Variants in HNRNPLL observed in about 807,000 individuals in gnomAD.
The protein encoded by HNRNPLL is heterogeneous nuclear ribonucleoprotein L like.
Under a neutral mutation model 67.1 loss-of-function variants are expected in HNRNPLL, and 25 were observed. The observed-to-expected ratio is 0.37, with a 90% confidence interval of 0.27 to 0.52. HNRNPLL has a LOEUF of 0.52. Ranked by LOEUF, HNRNPLL falls within the 20% of genes least tolerant of loss-of-function variation. HNRNPLL has a pLI of 0.90. For missense variants in HNRNPLL, 542 were observed against 673.9 expected, an observed-to-expected ratio of 0.80 and a Z score of 2.17; for synonymous variants, 267 against 241.7, an observed-to-expected ratio of 1.10 and a Z score of -0.97.
chr2:38,584,492 T>C (rs1396928228), intron 3 of HNRNPLL, among the ~76,000 whole-genome samples: 1 of 152,210 alleles, frequency 6.6e-6, no homozygotes, highest in African/African-American at 2.4e-5. Context: ...CCTCAATTTT[T>C]ATTTTCTTAA....
rs181192708 is a variant in HNRNPLL, at chr2:38,584,789, T to G, written c.546+855A>C. On this transcript the variant is annotated intron_variant, in intron 3 of 12. Transcript: ENST00000449105. ...ACCTACTTAGGAGTAATTATTCAAC[T>G]ATCAAGAAATTTCTTGAGCATCTAT... Among the ~76,000 whole-genome samples, 923 of 152,176 alleles carry G rather than the reference T, an allele frequency of 6.1e-3. 6 individuals are homozygous for G. The highest frequency in any genetic ancestry group is 0.021 in the African/African-American group (880 of 41,544).
intron 1 of HNRNPLL, 82 bp downstream of exon 1, chr2:38,602,356 A>G: frequency 7.4e-7 from 1 of 1,354,308 alleles, no homozygotes; most frequent in East Asian, 2.5e-5. Flanking sequence ...GGCTAACTGA[A>G]GCAAGCGGGA....
In HNRNPLL at chr2:38,564,201, G is replaced by C. The variant is rs1665760308; in HGVS notation, c.1610C>G (p.Ser537Cys). The change falls in exon 13 of 13, where the codon TCT becomes TGT. Residue 537 changes from serine (S) to cysteine (C), a missense_variant. This residue lies in a region of HNRNPLL where 415 missense variants were observed against 575.2 expected (regional missense o/e 0.72). Transcript: ENST00000449105. ...CTCTTCTTATAAATGGGATGATGTA[G>C]AAAAGCAAAGCTTCAATGTATAGGG... ...SNPYTLKLCF[S>C]TSSHL 1 of 1,559,590 alleles carries C rather than the reference G, an allele frequency of 6.4e-7. No homozygotes were observed. The highest frequency in any genetic ancestry group is 8.8e-7 in the Non-Finnish European group (1 of 1,131,520).
At chr2:38,574,247 T>G (rs1168378565) in intron 7 of HNRNPLL, among the ~76,000 whole-genome samples, 1 of 151,704 alleles carries the variant, frequency 6.6e-6, no homozygotes, top group East Asian at 1.9e-4. Flanking sequence ...TGAAAAGAAA[T>G]GAGGGTGGAG....
chr2:38,575,133 T>C (rs1483993985), intron 7 of HNRNPLL, among the ~76,000 whole-genome samples: 1 of 151,758 alleles, frequency 6.6e-6, no homozygotes, highest in East Asian at 1.9e-4. Context: ...ACAACCAAAA[T>C]CAGTCCACAA....
chr2:38,588,546 CAAAAAA>C (rs70954733), intron 2 of HNRNPLL, among the ~76,000 whole-genome samples: 5 of 51,010 alleles, frequency 9.8e-5, no homozygotes, highest in African/African-American at 1.6e-4. Flanking sequence ...AACTCCATCT[CAAAAAA>C]AAAAAAAAAA....
chr2:38,574,311 G>A (rs1666213986), intron 7 of HNRNPLL, among the ~76,000 whole-genome samples: 1 of 151,720 alleles, frequency 6.6e-6, no homozygotes, highest in Admixed American at 6.6e-5. Flanking sequence ...AAGAAGAAAG[G>A]CAGAGGAACT....
rs532787361 is a variant in HNRNPLL at position 38,563,058 on chromosome 2, T to G, written c.*1124A>C. 6.6e-6 allele frequency: 1 copy of G among 152,156 alleles called. No individual in the cohort carries two copies. The highest frequency in any genetic ancestry group is 1.9e-4 in the East Asian group (1 of 5,182). 9.4% of individuals were successfully genotyped at this position (152,156 alleles called of 1,614,324 possible). A position where few individuals can be genotyped will look rare whatever the true frequency, so the allele number is the denominator to read the frequency against. On this transcript the variant is annotated 3_prime_UTR_variant, in exon 13 of 13. Coordinates refer to ENST00000449105, the MANE Select transcript of HNRNPLL (RefSeq NM_138394.4). ...GAAAACAAAATGGCCACATCAGTTT[T>G]TCTATTGTAAAAAAGCTGTGAACTT...
At chr2:38,602,280 A>G in intron 1 of HNRNPLL, 158 bp downstream of exon 1, 2 of 658,696 alleles carry the variant, frequency 3.0e-6, no homozygotes, top group South Asian at 4.1e-5. Flanking sequence ...AAACAGGTAG[A>G]GGCCAGAATA....
chr2:38,583,814 C>A, intron 4 of HNRNPLL, 27 bp downstream of exon 4: 1 of 1,070,102 alleles, frequency 9.3e-7, no homozygotes, highest in South Asian at 1.4e-5. Context: ...AATTACACAT[C>A]AATAAAAATT....
chr2:38,570,275 A>C (rs1240553273), intron 8 of HNRNPLL, among the ~76,000 whole-genome samples: 13 of 152,214 alleles, frequency 8.5e-5, no homozygotes, highest in Non-Finnish European at 1.5e-5. Context: ...CTCTTTCAAC[A>C]AATATTTATT....
rs139754437 is a variant in HNRNPLL at position 38,589,845 on chromosome 2, T to G, written c.308+1685A>C. Among the ~76,000 whole-genome samples the G allele has an allele frequency of 6.1e-3, 924 of 152,304 alleles. 6 individuals are homozygous for G. The highest frequency in any genetic ancestry group is 0.021 in the African/African-American group (880 of 41,554). ...TGACATCTGCCTAAGAAAATAAATT[T>G]TAAAGCCCTAAATACACAAGAAGAG... On this transcript the variant is annotated intron_variant, in intron 2 of 12. Transcript: ENST00000449105.
At chr2:38,592,958 T>C (rs116519350) in intron 1 of HNRNPLL, among the ~76,000 whole-genome samples, 2,154 of 152,358 alleles carry the variant, frequency 0.014, 11 homozygotes, top group Middle Eastern at 0.051. Context: ...TTATAAAGAC[T>C]GTTAGGAAAA....
chr2:38,599,049 C>T lies in HNRNPLL; in HGVS notation c.189+3389G>A, dbSNP rs75636938. 6.5e-3 allele frequency among the ~76,000 whole-genome samples: 987 copies of T among 152,324 alleles called. 10 individuals are homozygous for T. The highest frequency in any genetic ancestry group is 0.021 in the African/African-American group (871 of 41,560). ...CATCTCCCAACCCATATGCATCTAA[C>T]AGATCACAGTAATATTGCTATCATT... On this transcript the variant is annotated intron_variant, in intron 1 of 12. Transcript: ENST00000449105.
At chr2:38,598,993 C>T (rs1346427223) in intron 1 of HNRNPLL, among the ~76,000 whole-genome samples, 2 of 152,230 alleles carry the variant, frequency 1.3e-5, no homozygotes, top group Non-Finnish European at 2.9e-5. Flanking sequence ...GTCTTCTAAA[C>T]TTCTCCTGTG....
chr2:38,577,962 T>C (rs1347360505), intron 6 of HNRNPLL: 1 of 471,280 alleles, frequency 2.1e-6, no homozygotes, highest in Non-Finnish European at 4.4e-6. Flanking sequence ...ATTTTCAAAG[T>C]GGGCTTCTTT....
chr2:38,585,617 T>C (rs767086417), intron 3 of HNRNPLL, 27 bp downstream of exon 3: 3 of 1,425,860 alleles, frequency 2.1e-6, no homozygotes, highest in Middle Eastern at 1.7e-4. Flanking sequence ...TCACTTTTAA[T>C]TTCATTTGTC....
intron 4 of HNRNPLL, among the ~76,000 whole-genome samples, chr2:38,582,772 T>G (rs1021172696): frequency 6.6e-6 from 1 of 151,796 alleles, no homozygotes; most frequent in East Asian, 1.9e-4. Flanking sequence ...ATACAAAAAT[T>G]AGCTGGGTGT....
chr2:38,562,040 T>C lies in HNRNPLL; in HGVS notation c.*2142A>G, dbSNP rs1665696790. The C allele has an allele frequency of 6.6e-6, 1 of 152,212 alleles. No homozygotes were observed. The highest frequency in any genetic ancestry group is 2.4e-5 in the African/African-American group (1 of 41,470). 9.4% of individuals were successfully genotyped at this position (152,212 alleles called of 1,614,324 possible). On this transcript the variant is annotated 3_prime_UTR_variant, in exon 13 of 13. Transcript: ENST00000449105. Reference sequence around the variant, plus strand: ...TTTGGATACAGAGATGGGATTTCAATATTTTTTTTAAAAACTCAAAGCTAG... The same window carrying C: ...TTTGGATACAGAGATGGGATTTCAACATTTTTTTTAAAAACTCAAAGCTAG...
Sources: gnomAD v4.1 joint callset for allele counts (sites outside exome capture counted in the v4.1 genomes callset) on GRCh38, gnomAD v4.1.1 for gene constraint, gnomAD v4.1.1 regional missense constraint, MANE v1.5 for transcripts, NCBI Gene and HGNC (gene_info 2026-07-23, HGNC 2026-07-21) for gene names.